EVI5: variants seen among roughly 807,000 people sequenced by gnomAD.
EVI5 encodes the protein ecotropic viral integration site 5 protein homolog.
A neutral mutation model predicts 112.0 loss-of-function variants in EVI5; 73 were observed. The ratio of observed to expected loss-of-function variants is 0.65; its 90% CI spans 0.54 to 0.79. The LOEUF is 0.79. Ranked by LOEUF, EVI5 falls within the 30% of genes least tolerant of loss-of-function variation. The pLI, the probability that EVI5 is intolerant of heterozygous loss-of-function variation, is 0.00. For synonymous variants in EVI5, 305 were observed against 319.9 expected, an observed-to-expected ratio of 0.95 and a Z score of 0.50; for missense variants, 900 against 968.8, an observed-to-expected ratio of 0.93 and a Z score of 0.94.
At chr1:92,684,101 C>G (rs1668076920) in intron 9 of EVI5, among the ~76,000 whole-genome samples, 1 of 152,104 alleles carries the variant, frequency 6.6e-6, no homozygotes, top group Non-Finnish European at 1.5e-5. Flanking sequence ...ACATAAATGT[C>G]AGATTCACCA....
At chr1:92,672,808 G>A (rs74418021) in intron 10 of EVI5, among the ~76,000 whole-genome samples, 1,958 of 152,174 alleles carry the variant, frequency 0.013, 46 homozygotes, top group African/African-American at 0.044. Flanking sequence ...TTAATGAAAA[G>A]TTTGATATGC....
At chr1:92,683,999 C>T (rs935406344) in intron 9 of EVI5, among the ~76,000 whole-genome samples, 3 of 152,160 alleles carry the variant, frequency 2.0e-5, no homozygotes, top group Non-Finnish European at 2.9e-5. Context: ...TCCAAAAGAA[C>T]TTCCCTAACC....
At chr1:92,591,373 A>T (rs6695190) in intron 18 of EVI5, among the ~76,000 whole-genome samples, 10 of 152,072 alleles carry the variant, frequency 6.6e-5, no homozygotes, top group Admixed American at 2.0e-4. Flanking sequence ...ACCCACCTCA[A>T]GTGCAGAGAC....
At chr1:92,725,741 G>A (rs1675472891) in intron 2 of EVI5, among the ~76,000 whole-genome samples, 1 of 143,202 alleles carries the variant, frequency 7.0e-6, no homozygotes, top group Non-Finnish European at 1.5e-5. Flanking sequence ...AAAAAATCGG[G>A]CATGCAAAGC....
chr1:92,600,432 T>C (rs1267585518), intron 18 of EVI5, among the ~76,000 whole-genome samples: 1 of 152,214 alleles, frequency 6.6e-6, no homozygotes, highest in Non-Finnish European at 1.5e-5. Flanking sequence ...GTACATCATG[T>C]TTCATAATTT....
Position 92,513,907 on chromosome 1 carries a change from C to T in EVI5, c.2230G>A (p.Val744Ile). ...TCATCATCTCCTATTAAATGGTTGA[C>T]AATGTGGATTCCATCAAAAGGAGGT... ...GQPPFDGIHI[V>I]NHLIGDDESF... The change falls in exon 20 of 20, where the codon GTC becomes ATC. Residue 744 changes from valine to isoleucine, a missense_variant. By Grantham distance (29) the Val-to-Ile change is conservative. Coordinates refer to ENST00000684568, the MANE Select transcript of EVI5 (RefSeq NM_001350197.2). The T allele has an allele frequency of 1.2e-6, 2 of 1,604,858 alleles. No homozygotes were observed. The highest frequency in any genetic ancestry group is 2.2e-5 in the East Asian group (1 of 44,556).
At chr1:92,587,938 C>T (rs1571724908) in intron 18 of EVI5, among the ~76,000 whole-genome samples, 1 of 152,158 alleles carries the variant, frequency 6.6e-6, no homozygotes, top group East Asian at 1.9e-4. Flanking sequence ...AGGTTAAATA[C>T]TAGAAGGCTT....
At chr1:92,712,461 A>C (rs991565529) in intron 2 of EVI5, among the ~76,000 whole-genome samples, 8 of 152,190 alleles carry the variant, frequency 5.3e-5, no homozygotes, top group African/African-American at 1.9e-4. Context: ...CAGAAAAACA[A>C]GCCTAGCCGA....
chr1:92,676,035 A>C (rs991290132), intron 10 of EVI5, among the ~76,000 whole-genome samples: 2 of 151,654 alleles, frequency 1.3e-5, no homozygotes, highest in African/African-American at 4.8e-5. Context: ...AAAAAAAAAA[A>C]AGGAAGGAAA....
At chr1:92,543,885 G>A (rs1379973886) in intron 19 of EVI5, among the ~76,000 whole-genome samples, 1 of 152,174 alleles carries the variant, frequency 6.6e-6, no homozygotes, top group East Asian at 1.9e-4. Flanking sequence ...CCTTCACTTT[G>A]TAAAAACACA....
At chr1:92,743,608 C>T (rs777659774) in intron 1 of EVI5, among the ~76,000 whole-genome samples, 1 of 151,878 alleles carries the variant, frequency 6.6e-6, no homozygotes, top group Non-Finnish European at 1.5e-5. Context: ...GGTGGTTGTA[C>T]AACAATATGA....
In EVI5 at chr1:92,702,128, T is replaced by A; in HGVS notation, c.639+13A>T. 2.2e-6 allele frequency: 3 copies of A among 1,339,216 alleles called. No individual in the cohort carries two copies. The highest frequency in any genetic ancestry group is 3.1e-6 in the Non-Finnish European group (3 of 972,578). 83.0% of individuals were successfully genotyped at this position (1,339,216 alleles called of 1,614,324 possible). A position where few individuals can be genotyped will look rare whatever the true frequency, so the allele number is the denominator to read the frequency against. Reference sequence around the variant, plus strand: ...AAAATTTCATTGGACATTTAATACTTATATTAACTTACCTGCATAAGCAAC... The same window carrying A: ...AAAATTTCATTGGACATTTAATACTAATATTAACTTACCTGCATAAGCAAC... On this transcript the variant is annotated intron_variant, in intron 5 of 19. Transcript: ENST00000684568.
intron 18 of EVI5, among the ~76,000 whole-genome samples, chr1:92,585,710 G>C (rs1672669779): frequency 6.6e-6 from 1 of 152,058 alleles, no homozygotes; most frequent in African/African-American, 2.4e-5. Context: ...AAGATAGAGA[G>C]TTCCCACATA....
chr1:92,557,635 G>A (rs181662285), intron 19 of EVI5, among the ~76,000 whole-genome samples: 218 of 152,056 alleles, frequency 1.4e-3, no homozygotes, highest in African/African-American at 5.1e-3. Context: ...GTTTCAGTCA[G>A]TAGTATTTAG....
chr1:92,647,917 G>A (rs886740746), intron 13 of EVI5, among the ~76,000 whole-genome samples: 1 of 151,498 alleles, frequency 6.6e-6, no homozygotes, highest in Non-Finnish European at 1.5e-5. Flanking sequence ...GCTAAATTTT[G>A]TATCTTTAGT....
At chr1:92,662,905 T>A (rs1340577838) in intron 12 of EVI5, 40 bp from the exon 13 acceptor site, 10 of 1,196,940 alleles carry the variant, frequency 8.4e-6, no homozygotes, top group Non-Finnish European at 6.4e-6. Flanking sequence ...CAATTTAGGA[T>A]AGATTCAAGA....
At position 92,544,323 on chromosome 1, in the gene EVI5, T is replaced by C. The variant is rs1223685867; in HGVS notation, c.2166+19319A>G. On this transcript the variant is annotated intron_variant, in intron 19 of 19. Coordinates refer to ENST00000684568, the MANE Select transcript of EVI5 (RefSeq NM_001350197.2). ...GAATTGTAAACTTTACGTGGGTGCA[T>C]TGTATCATATGTAAATAATGTCTCA... is the stretch of plus-strand genomic sequence containing the variant. Among the ~76,000 whole-genome samples the C allele has an allele frequency of 3.9e-5, 6 of 152,354 alleles. No individual in the cohort carries two copies. The East Asian group carries it at 5.8e-4, about 15-fold the overall frequency.
chr1:92,678,546 T>C (rs894003448), intron 9 of EVI5, among the ~76,000 whole-genome samples: 2 of 152,048 alleles, frequency 1.3e-5, no homozygotes, highest in Admixed American at 6.6e-5. Context: ...ATAAACCATT[T>C]TTTTAAAAGA....
intron 18 of EVI5, among the ~76,000 whole-genome samples, chr1:92,570,558 T>C (rs1255067335): frequency 6.6e-6 from 1 of 152,134 alleles, no homozygotes; most frequent in East Asian, 1.9e-4. Context: ...TAATATAATA[T>C]TTTCAGGGCA....
Sources: gnomAD v4.1 joint callset for allele counts (sites outside exome capture counted in the v4.1 genomes callset) on GRCh38, gnomAD v4.1.1 for gene constraint, MANE v1.5 for transcripts, NCBI Gene and HGNC (gene_info 2026-07-23, HGNC 2026-07-21) for gene names.